The following RRM2 variants were observed in gnomAD, a reference collection of about 807,000 sequenced individuals.
RRM2 encodes the protein ribonucleotide reductase regulatory subunit M2.
A neutral mutation model predicts 45.9 loss-of-function variants in RRM2; 6 were observed. That is an observed-to-expected ratio of 0.13 (90% confidence interval 0.07 to 0.26). The LOEUF is 0.26. Ranked by LOEUF, RRM2 falls within the 10% of genes least tolerant of loss-of-function variation. The probability of loss-of-function intolerance (pLI) is 1.00; values close to 1 mark genes in which losing one functional copy is unlikely to be tolerated. For missense variants in RRM2, 343 were observed against 489.5 expected (o/e 0.70, Z 2.82); for synonymous variants, 177 against 173.0 (o/e 1.02, Z -0.18).
intron 3 of RRM2, among the ~76,000 whole-genome samples, chr2:10,165,409 C>G (rs934402160): frequency 2.0e-5 from 3 of 152,152 alleles, no homozygotes; most frequent in African/African-American, 7.2e-5. Context: ...TTAGTGGGCT[C>G]CGTAGCTGAC....
intron 3 of RRM2, among the ~76,000 whole-genome samples, chr2:10,170,704 G>A (rs991158476): frequency 2.0e-5 from 3 of 152,184 alleles, no homozygotes; most frequent in Non-Finnish European, 2.9e-5. Context: ...TCTCCAACCT[G>A]CTTTCTTGCT....
At chr2:10,134,151 CAA>C (rs142218086), downstream of RRM2, among the ~76,000 whole-genome samples, 742 of 103,420 alleles carry the variant, frequency 7.2e-3, 9 homozygotes, top group Admixed American at 0.039. Context: ...GCCTGGGCGA[CAA>C]GAGTGAAACT....
intron 3 of RRM2, among the ~76,000 whole-genome samples, chr2:10,147,005 C>T (rs1229132844): frequency 1.3e-5 from 2 of 151,734 alleles, no homozygotes; most frequent in South Asian, 2.1e-4. Flanking sequence ...CAGGCTGGAG[C>T]GCAGTGGCGT....
intron 3 of RRM2, among the ~76,000 whole-genome samples, chr2:10,177,689 TCC>T (rs1663947696): frequency 6.7e-6 from 1 of 150,020 alleles, no homozygotes; most frequent in African/African-American, 2.5e-5. Context: ...CTTCCTTCCT[TCC>T]TTCCTTCCTT....
intron 3 of RRM2, among the ~76,000 whole-genome samples, chr2:10,184,805 C>T (rs1664131022): frequency 6.6e-6 from 1 of 152,212 alleles, no homozygotes; most frequent in Non-Finnish European, 1.5e-5. Context: ...TCTCAACCAT[C>T]CACTTCTTGT....
intron 3 of RRM2, among the ~76,000 whole-genome samples, chr2:10,188,905 G>A (rs976769422): frequency 2.0e-5 from 3 of 152,150 alleles, no homozygotes; most frequent in African/African-American, 4.8e-5. Context: ...AGTCCTGGCC[G>A]CATTTGGAGG....
rs560256330 is a variant in RRM2, at chr2:10,194,429, C to T, written n.483-15882C>T. ...ACACAGAAATGACAGTTCCTACTCC[C>T]CAGCTTGTGCGGGCCCAAATGGGAT... On this transcript the variant is annotated intron_variant and non_coding_transcript_variant, in intron 3 of 3. Transcript: ENST00000381786. 6.6e-5 allele frequency among the ~76,000 whole-genome samples: 10 copies of T among 152,362 alleles called. No individual in the cohort carries two copies. The East Asian group carries it at 1.7e-3, about 26-fold the overall frequency.
At chr2:10,162,954 C>T (rs1402971130) in intron 3 of RRM2, among the ~76,000 whole-genome samples, 1 of 152,222 alleles carries the variant, frequency 6.6e-6, no homozygotes, top group Non-Finnish European at 1.5e-5. Context: ...CTGGCTGCTT[C>T]CAAGAATAGA....
intron 1 of RRM2, chr2:10,141,666 G>C (rs1311022183): frequency 2.7e-6 from 2 of 740,934 alleles, no homozygotes; most frequent in Admixed American, 5.9e-5. Flanking sequence ...GGGAAGCGGG[G>C]AGGCAGGAAG....
chr2:10,180,074 A>T (rs1296915564), intron 3 of RRM2, among the ~76,000 whole-genome samples: 1 of 152,146 alleles, frequency 6.6e-6, no homozygotes, highest in African/African-American at 2.4e-5. Flanking sequence ...ATGCCATCCC[A>T]CGGCTCCCTT....
upstream of RRM2, chr2:10,141,345 A>G (rs948454664): frequency 1.0e-5 from 1 of 97,298 alleles, no homozygotes; most frequent in African/African-American, 3.9e-5. Flanking sequence ...CCCCACCCCC[A>G]TGTCTCACTC....
At chr2:10,179,061 C>CT (rs70948875) in intron 3 of RRM2, among the ~76,000 whole-genome samples, 85,156 of 151,944 alleles carry the variant, frequency 0.56, 24,411 homozygotes, top group East Asian at 0.86. Context: ...CTGGAACAGA[C>CT]TAAGACACTG....
At position 10,165,751 on chromosome 2, in the gene RRM2, G is replaced by A. The variant is rs562372677; in HGVS notation, n.482+23376G>A. ...AGAGACTGGTTCACCCAGAGAGACC[G>A]GGATGCTGCCTTCCAAAATGGAAGA... On this transcript the variant is annotated intron_variant and non_coding_transcript_variant, in intron 3 of 3. Transcript: ENST00000381786. Among the ~76,000 whole-genome samples the A allele has an allele frequency of 2.2e-4, 33 of 152,338 alleles. No individual in the cohort carries two copies. In the East Asian group the frequency reaches 2.9e-3, roughly 13 times the overall value.
intron 3 of RRM2, among the ~76,000 whole-genome samples, chr2:10,149,384 C>A (rs563264790): frequency 1.4e-4 from 22 of 152,312 alleles, no homozygotes; most frequent in South Asian, 2.1e-4. Flanking sequence ...CCGCCTCAGC[C>A]TCCCAAAGTG....
chr2:10,143,226 C>T (rs1176139100), intron 3 of RRM2, among the ~76,000 whole-genome samples: 1 of 152,186 alleles, frequency 6.6e-6, no homozygotes. Flanking sequence ...TTCACACAGG[C>T]TGTTCCCTTA....
chr2:10,178,507 G>T (rs1663979013), intron 3 of RRM2, among the ~76,000 whole-genome samples: 1 of 152,130 alleles, frequency 6.6e-6, no homozygotes, highest in Admixed American at 6.6e-5. Context: ...ACAGGCATGA[G>T]CCACTGTGCC....
At chr2:10,128,617 C>G (rs979237427) in intron 7 of RRM2, among the ~76,000 whole-genome samples, 2 of 152,226 alleles carry the variant, frequency 1.3e-5, no homozygotes, top group Admixed American at 1.3e-4. Context: ...CCTTGCCTGT[C>G]TTCATCTAGG....
chr2:10,165,561 G>A (rs1478353525), intron 3 of RRM2, among the ~76,000 whole-genome samples: 1 of 152,256 alleles, frequency 6.6e-6, no homozygotes, highest in African/African-American at 2.4e-5. Context: ...CTGGGCAAAA[G>A]GGAGATAAAT....
At chr2:10,194,826 C>T (rs572232373) in intron 3 of RRM2, among the ~76,000 whole-genome samples, 1 of 152,360 alleles carries the variant, frequency 6.6e-6, no homozygotes, top group East Asian at 1.9e-4. Context: ...TCCTTGGTCA[C>T]AGCCGCCCCC....
Sources: allele counts gnomAD v4.1 joint callset (sites outside exome capture counted in the v4.1 genomes callset), GRCh38; gene constraint gnomAD v4.1.1; transcripts MANE v1.5; gene names NCBI Gene and HGNC (gene_info 2026-07-23, HGNC 2026-07-21).